EYA4: variants seen among roughly 807,000 people sequenced by gnomAD.
EYA4 encodes EYA transcriptional coactivator and phosphatase 4.
Under a neutral mutation model 87.9 loss-of-function variants are expected in EYA4, and 31 were observed. The ratio of observed to expected loss-of-function variants is 0.35; its 90% CI spans 0.27 to 0.48. The LOEUF (loss-of-function observed/expected upper bound fraction) is 0.48. Among genes scored for constraint, EYA4 ranks in the 20% least tolerant of loss-of-function variants. The pLI is 0.99. For synonymous variants in EYA4, 263 were observed against 270.6 expected (o/e 0.97, Z 0.28); for missense variants, 678 against 761.4 (o/e 0.89, Z 1.29).
intron 2 of EYA4, among the ~76,000 whole-genome samples, chr6:133,326,780 G>A (rs918227672): frequency 6.6e-6 from 1 of 152,152 alleles, no homozygotes; most frequent in East Asian, 1.9e-4. Context: ...CTCTTAATGG[G>A]CAGATTGCCA....
chr6:133,246,173 T>C (rs552072737), intron 1 of EYA4, among the ~76,000 whole-genome samples: 1 of 152,316 alleles, frequency 6.6e-6, no homozygotes, highest in South Asian at 2.1e-4. Flanking sequence ...CTAATTGATC[T>C]TAGGGTACTG....
chr6:133,337,801 C>T (rs1782487333), intron 2 of EYA4, among the ~76,000 whole-genome samples: 1 of 152,150 alleles, frequency 6.6e-6, no homozygotes, highest in East Asian at 1.9e-4. Context: ...ATTATATAAG[C>T]TATTCCTTTT....
intron 2 of EYA4, among the ~76,000 whole-genome samples, chr6:133,358,162 A>T (rs1377639728): frequency 6.6e-6 from 1 of 152,150 alleles, no homozygotes; most frequent in Non-Finnish European, 1.5e-5. Flanking sequence ...GTGGTCTGAA[A>T]CTAGTTTAAT....
intron 2 of EYA4, among the ~76,000 whole-genome samples, chr6:133,323,658 G>T (rs1162176965): frequency 6.6e-6 from 1 of 152,108 alleles, no homozygotes; most frequent in Non-Finnish European, 1.5e-5. Context: ...CAAGGATTTT[G>T]GGTGTGTGTA....
At chr6:133,294,023 TTATATATA>T (rs71771244) in intron 2 of EYA4, among the ~76,000 whole-genome samples, 9,607 of 78,570 alleles carry the variant, frequency 0.12, 1,009 homozygotes, top group East Asian at 0.26. Flanking sequence ...TAGGGTGATT[TTATATATA>T]TATATATATA....
intron 1 of EYA4, among the ~76,000 whole-genome samples, chr6:133,273,714 A>G (rs1218633801): frequency 6.6e-6 from 1 of 152,126 alleles, no homozygotes; most frequent in Non-Finnish European, 1.5e-5. Flanking sequence ...GTACCATTGC[A>G]ATTTTAAATT....
rs190949510 is a variant in EYA4, at chr6:133,269,583, G to A, written c.-65-5133G>A. Among the ~76,000 whole-genome samples, 14 of 152,192 alleles carry A rather than the reference G, an allele frequency of 9.2e-5. No homozygotes were observed. In the East Asian group the frequency reaches 2.3e-3, roughly 25 times the overall value. ...TCTCTTGTAATTTTTAAAACGTCTTGTGATCTAATAAGGAAAGTAACATGT... is the reference window on the plus strand; with the variant it reads ...TCTCTTGTAATTTTTAAAACGTCTTATGATCTAATAAGGAAAGTAACATGT... On this transcript the variant is annotated intron_variant, in intron 1 of 19. Transcript: ENST00000355286.
chr6:133,459,643 C>T (rs1283638538), intron 6 of EYA4, among the ~76,000 whole-genome samples: 1 of 152,114 alleles, frequency 6.6e-6, no homozygotes, highest in Non-Finnish European at 1.5e-5. Context: ...TGGAATAACA[C>T]TACTATTATG....
chr6:133,330,305 T>G (rs1177505112), intron 2 of EYA4, among the ~76,000 whole-genome samples: 1 of 152,104 alleles, frequency 6.6e-6, no homozygotes, highest in Non-Finnish European at 1.5e-5. Flanking sequence ...CCTATTTGTA[T>G]TGCTAATTAG....
intron 3 of EYA4, among the ~76,000 whole-genome samples, chr6:133,411,744 G>A (rs770778306): frequency 3.3e-5 from 5 of 151,878 alleles, no homozygotes; most frequent in Non-Finnish European, 5.9e-5. Context: ...TCTTATTTGG[G>A]GATATTTCTG....
At chr6:133,520,457 T>G (rs1411796042) in intron 17 of EYA4, among the ~76,000 whole-genome samples, 24 of 115,230 alleles carry the variant, frequency 2.1e-4, no homozygotes, top group African/African-American at 7.4e-4. Context: ...CAAGGAGAAC[T>G]ACAAAACACT....
At chr6:133,391,222 G>GTTTTTTTTTTTTTTTTTTTTTTTT (rs531819011) in intron 3 of EYA4, among the ~76,000 whole-genome samples, 19 of 89,828 alleles carry the variant, frequency 2.1e-4, no homozygotes, top group African/African-American at 6.3e-4. Flanking sequence ...TTTTGTTTTT[G>GTTTTTTTTTTTTTTTTTTTTTTTT]TTTTTTTTTT....
intron 2 of EYA4, among the ~76,000 whole-genome samples, chr6:133,298,870 C>T (rs1221816859): frequency 2.6e-5 from 4 of 152,126 alleles, no homozygotes; most frequent in African/African-American, 4.8e-5. Context: ...CTTCATTGAC[C>T]GAATGCCTTT....
chr6:133,432,259 A>G (rs1369709260), intron 3 of EYA4, among the ~76,000 whole-genome samples: 1 of 152,220 alleles, frequency 6.6e-6, no homozygotes, highest in Non-Finnish European at 1.5e-5. Flanking sequence ...AGCAAGGACC[A>G]GGTGGAGCAG....
intron 3 of EYA4, among the ~76,000 whole-genome samples, chr6:133,418,650 C>A (rs972899072): frequency 1.3e-5 from 2 of 152,060 alleles, no homozygotes; most frequent in Admixed American, 1.3e-4. Context: ...TGTATGAAAT[C>A]TGAAACATGA....
intron 10 of EYA4, among the ~76,000 whole-genome samples, chr6:133,467,871 T>A (rs941805387): frequency 6.6e-6 from 1 of 152,028 alleles, no homozygotes; most frequent in Non-Finnish European, 1.5e-5. Flanking sequence ...TTAAGGTTCT[T>A]AAAATTTTTA....
chr6:133,339,354 G>A (rs1583002680), intron 2 of EYA4, among the ~76,000 whole-genome samples: 1 of 152,188 alleles, frequency 6.6e-6, no homozygotes, highest in African/African-American at 2.4e-5. Context: ...ATGAATACCA[G>A]TGTGAGGTTC....
Position 133,523,090 on chromosome 6 carries a change from C to T in EYA4, c.1651C>T (p.Gln551Ter). The T allele has an allele frequency of 6.2e-7, 1 of 1,612,330 alleles. No homozygotes were observed. Among genetic ancestry groups the T allele is most frequent in the Non-Finnish European group, 8.5e-7 (1 of 1,178,632 alleles). ...CATAAATGTCTTGGTAACGACAACT[C>T]AACTGATCCCAGCACTTGCGAAGGT... ...NCINVLVTTT[Q>*]LIPALAKVLL... is the part of the protein sequence containing the mutation. The change falls in exon 18 of 20, where the codon CAA becomes TAA. Residue 551 changes from glutamine (Q) to a stop codon, truncating the protein, a stop_gained. Coordinates refer to ENST00000355286, the MANE Select transcript of EYA4 (RefSeq NM_004100.5). LOFTEE classifies it high-confidence loss of function.
intron 13 of EYA4, among the ~76,000 whole-genome samples, chr6:133,497,374 A>C (rs1281381370): frequency 6.6e-6 from 1 of 152,320 alleles, no homozygotes; most frequent in East Asian, 1.9e-4. Flanking sequence ...TATAAATTAA[A>C]TTATGTGAAT....
Sources: allele counts gnomAD v4.1 joint callset (sites outside exome capture counted in the v4.1 genomes callset), GRCh38; gene constraint gnomAD v4.1.1; transcripts MANE v1.5; gene names NCBI Gene and HGNC (gene_info 2026-07-23, HGNC 2026-07-21).